RAP1GAP2: variants seen among roughly 807,000 people sequenced by gnomAD.
The protein encoded by RAP1GAP2 is RAP1 GTPase activating protein 2, also known as rap1 GTPase-activating protein 2.
RAP1GAP2 carries 27 observed loss-of-function variants against 95.0 expected under a neutral mutation model. The ratio of observed to expected loss-of-function variants is 0.28; its 90% CI spans 0.21 to 0.39. The LOEUF is 0.39. Among genes scored for constraint, RAP1GAP2 ranks in the 10% least tolerant of loss-of-function variants. RAP1GAP2 has a pLI of 1.00. For missense variants in RAP1GAP2, 771 were observed against 970.0 expected, an observed-to-expected ratio of 0.79 and a Z score of 2.72; for synonymous variants, 373 against 380.9, an observed-to-expected ratio of 0.98 and a Z score of 0.24.
chr17:2,797,667 G>A lies in RAP1GAP2; in HGVS notation c.44+1096G>A. ...ATCCATCCTCTGGCAGGGGGGGACTGTGGGCACTCCATGTTTGGCAGATGG... is the reference window on the plus strand; with the variant it reads ...ATCCATCCTCTGGCAGGGGGGGACTATGGGCACTCCATGTTTGGCAGATGG... On this transcript the variant is annotated intron_variant, in intron 1 of 24. Transcript: ENST00000254695. The surrounding 1 kb of genome is among the most constrained non-coding windows in gnomAD (Gnocchi z 5.6). 1.5e-5 allele frequency: 15 copies of A among 984,428 alleles called. No homozygotes were observed. The highest frequency in any genetic ancestry group is 1.7e-5 in the Non-Finnish European group (14 of 829,062). The allele number at this position is 984,428 out of a possible 1,614,324, so 61.0% of individuals were successfully genotyped here.
chr17:2,953,361 G>C (rs72821212), intron 3 of RAP1GAP2, among the ~76,000 whole-genome samples: 16,266 of 151,898 alleles, frequency 0.11, 904 homozygotes, highest in South Asian at 0.19. Context: ...CACCGTGTCT[G>C]GCTGTTTTTA....
chr17:2,832,551 C>T (rs1260433394), intron 2 of RAP1GAP2, among the ~76,000 whole-genome samples: 1 of 125,984 alleles, frequency 7.9e-6, no homozygotes, highest in African/African-American at 2.9e-5. Context: ...GAGCGAGACT[C>T]CATCTCAAAA....
At chr17:2,767,634 C>G (rs760405595) in intron 1 of RAP1GAP2, among the ~76,000 whole-genome samples, 15 of 151,962 alleles carry the variant, frequency 9.9e-5, no homozygotes, top group Non-Finnish European at 1.9e-4. Context: ...AACAATGTGC[C>G]TTGGAGATCT....
chr17:3,018,239 G>A (rs750252819), intron 18 of RAP1GAP2, 41 bp downstream of exon 18: 1 of 1,530,690 alleles, frequency 6.5e-7, no homozygotes, highest in South Asian at 1.2e-5. Flanking sequence ...TGGGTCCCAG[G>A]GAGGCCCCCC....
chr17:2,815,567 C>T (rs1458245661), intron 2 of RAP1GAP2, among the ~76,000 whole-genome samples: 2 of 151,718 alleles, frequency 1.3e-5, no homozygotes, highest in East Asian at 3.9e-4. Context: ...CTGCAACCTC[C>T]ACCTCCCCGG....
intron 22 of RAP1GAP2, among the ~76,000 whole-genome samples, chr17:3,028,127 C>T (rs1417921391): frequency 6.6e-6 from 1 of 151,462 alleles, no homozygotes; most frequent in Non-Finnish European, 1.5e-5. Context: ...TCAGTTTCTC[C>T]AAGCAGAAAA....
At chr17:3,020,437 T>C (rs1279978258) in intron 18 of RAP1GAP2, 40 bp from the exon 19 acceptor site, 1 of 1,542,804 alleles carries the variant, frequency 6.5e-7, no homozygotes, top group Non-Finnish European at 8.9e-7. Flanking sequence ...GAGATCGGTG[T>C]TTGGGCCGGG....
chr17:2,907,846 C>T (rs930045609), intron 3 of RAP1GAP2, among the ~76,000 whole-genome samples: 7 of 152,044 alleles, frequency 4.6e-5, no homozygotes, highest in African/African-American at 9.7e-5. Flanking sequence ...CTTGCTCTGT[C>T]GCCGAGCCAG....
intron 2 of RAP1GAP2, among the ~76,000 whole-genome samples, chr17:2,876,890 T>C (rs2073119638): frequency 6.6e-6 from 1 of 150,384 alleles, no homozygotes. Flanking sequence ...TACGTTCTTT[T>C]TTTTTTTTTT....
At chr17:2,802,306 T>A (rs1484459538) in intron 2 of RAP1GAP2, among the ~76,000 whole-genome samples, 1 of 152,190 alleles carries the variant, frequency 6.6e-6, no homozygotes, top group Non-Finnish European at 1.5e-5. Flanking sequence ...AATAAGAGGT[T>A]TCCCACTTTG....
chr17:2,873,998 A>G (rs2072975195), intron 2 of RAP1GAP2, among the ~76,000 whole-genome samples: 1 of 150,524 alleles, frequency 6.6e-6, no homozygotes, highest in South Asian at 2.1e-4. Flanking sequence ...CTGGTCTTGA[A>G]CTCCCGACCT....
chr17:2,900,499 TGG>T (rs1359730864), intron 2 of RAP1GAP2, among the ~76,000 whole-genome samples: 1 of 152,140 alleles, frequency 6.6e-6, no homozygotes, highest in East Asian at 1.9e-4. Context: ...TGGAGTGCCA[TGG>T]TGAGATCTCG....
In RAP1GAP2 at chr17:2,827,591, T is replaced by A. The variant is rs1567684564; in HGVS notation, c.80+27041T>A. ...GGGAGGCCAAGGCGGGTGGATCACCTGAGGTCAGGGGTTCAAGACCAGCCT... is the reference window on the plus strand; with the variant it reads ...GGGAGGCCAAGGCGGGTGGATCACCAGAGGTCAGGGGTTCAAGACCAGCCT... On this transcript the variant is annotated intron_variant, in intron 2 of 24. Coordinates refer to ENST00000254695, the MANE Select transcript of RAP1GAP2 (RefSeq NM_015085.5). This position sits in a 1 kb window ranked among gnomAD's most constrained non-coding sequence, Gnocchi z 4.1. 1.3e-5 allele frequency among the ~76,000 whole-genome samples: 2 copies of A among 151,988 alleles called. No individual in the cohort carries two copies. The highest frequency in any genetic ancestry group is 4.8e-5 in the African/African-American group (2 of 41,384).
rs917540694 is a variant in RAP1GAP2, at chr17:2,891,814, C to CTTTTTTTTTTTTTTT, written c.81-13458_81-13444dup. 4.2e-4 allele frequency among the ~76,000 whole-genome samples: 23 copies of CTTTTTTTTTTTTTTT among 54,288 alleles called. 5 individuals are homozygous for CTTTTTTTTTTTTTTT. Among genetic ancestry groups the CTTTTTTTTTTTTTTT allele is most frequent in the South Asian group, 1.3e-3 (2 of 1,522 alleles). The allele number at this position is 54,288 out of a possible 152,430, so 35.6% of individuals were successfully genotyped here. On this transcript the variant is annotated intron_variant, in intron 2 of 24. Transcript: ENST00000254695. ...TGATATGCAGATTCATATTTCTTTT[C>CTTTTTTTTTTTTTTT]TTTTTTTTTTTTTTTTTTTTTTTTT... is the stretch of plus-strand genomic sequence containing the variant.
intron 3 of RAP1GAP2, among the ~76,000 whole-genome samples, chr17:2,953,554 G>C (rs544143818): frequency 3.9e-4 from 59 of 152,160 alleles, no homozygotes; most frequent in African/African-American, 1.3e-3. Flanking sequence ...CCCATTTAAA[G>C]TGTACAATTT....
chr17:2,765,819 A>T (rs2068265299), intron 1 of RAP1GAP2, among the ~76,000 whole-genome samples: 1 of 151,926 alleles, frequency 6.6e-6, no homozygotes, highest in African/African-American at 2.4e-5. Context: ...ATACAAAAAA[A>T]TGAGCCAGGC....
chr17:2,891,967 T>G (rs968900600), intron 2 of RAP1GAP2, among the ~76,000 whole-genome samples: 2 of 151,240 alleles, frequency 1.3e-5, no homozygotes, highest in African/African-American at 4.9e-5. Context: ...GGGACTACAG[T>G]CATGTGCCAC....
intron 2 of RAP1GAP2, among the ~76,000 whole-genome samples, chr17:2,832,743 G>A (rs547597705): frequency 2.6e-5 from 4 of 151,668 alleles, no homozygotes; most frequent in Admixed American, 6.6e-5. Context: ...TTGGGAGGCC[G>A]AGGCGGGCGA....
intron 2 of RAP1GAP2, among the ~76,000 whole-genome samples, chr17:2,820,903 T>TTTTTTTTTTTTTTTTTTTTTTTTTTTTTG (rs1567678183): frequency 6.9e-6 from 1 of 145,868 alleles, no homozygotes; most frequent in African/African-American, 2.6e-5. Flanking sequence ...TTTTTTTTTT[T>TTTTTTTTTTTTTTTTTTTTTTTTTTTTTG]TTTTTTGTAT....
Sources: allele counts gnomAD v4.1 joint callset (sites outside exome capture counted in the v4.1 genomes callset), GRCh38; gene constraint gnomAD v4.1.1; non-coding constraint Gnocchi (gnomAD v3.1); transcripts MANE v1.5; gene names NCBI Gene and HGNC (gene_info 2026-07-23, HGNC 2026-07-21).